The following PRIMA1 variants were observed in gnomAD, a reference collection of about 807,000 sequenced individuals.
The protein encoded by PRIMA1 is proline-rich membrane anchor 1.
PRIMA1 carries 7 observed loss-of-function variants against 17.5 expected under a neutral mutation model. The observed-to-expected ratio is 0.40, with a 90% CI of 0.23 to 0.75. The LOEUF is 0.75. PRIMA1 is among the 30% of genes least tolerant of loss of function. The probability of loss-of-function intolerance (pLI) is 0.37; values close to 1 mark genes in which losing one functional copy is unlikely to be tolerated. For missense variants in PRIMA1, 200 were observed against 201.8 expected (o/e 0.99, Z 0.05); for synonymous variants, 97 against 77.9 (o/e 1.25, Z -1.29).
intron 2 of PRIMA1, among the ~76,000 whole-genome samples, chr14:93,779,824 T>G (rs1313482857): frequency 5.9e-5 from 9 of 152,210 alleles, no homozygotes; most frequent in African/African-American, 2.2e-4. Context: ...CCCCCTCTCT[T>G]GGGTAGAAAC....
chr14:93,738,310 C>T (rs2076164271), intron 3 of PRIMA1, among the ~76,000 whole-genome samples: 1 of 152,148 alleles, frequency 6.6e-6, no homozygotes, highest in Non-Finnish European at 1.5e-5. Flanking sequence ...GCAAAGACAT[C>T]ACACAGCCTC....
At chr14:93,758,899 C>T (rs1012002139) in intron 3 of PRIMA1, among the ~76,000 whole-genome samples, 3 of 152,080 alleles carry the variant, frequency 2.0e-5, no homozygotes, top group Non-Finnish European at 2.9e-5. Flanking sequence ...CAAAGACAAT[C>T]GGCAATGCTA....
chr14:93,751,850 T>C (rs1235164044), intron 3 of PRIMA1, among the ~76,000 whole-genome samples: 2 of 152,226 alleles, frequency 1.3e-5, no homozygotes, highest in African/African-American at 2.4e-5. Flanking sequence ...AGAGCTGTGT[T>C]GTCTAATACA....
At chr14:93,757,904 G>T (rs2076301658) in intron 3 of PRIMA1, among the ~76,000 whole-genome samples, 1 of 152,204 alleles carries the variant, frequency 6.6e-6, no homozygotes, top group African/African-American at 2.4e-5. Flanking sequence ...AGGAACACAT[G>T]ACGGACACTG....
At chr14:93,736,628 A>C (rs542567523) in intron 4 of PRIMA1, among the ~76,000 whole-genome samples, 10 of 152,248 alleles carry the variant, frequency 6.6e-5, no homozygotes, top group Admixed American at 6.5e-4. Context: ...CTCCTGGTCT[A>C]TTGGCTTTCT....
chr14:93,733,067 T>C (rs1242254056), intron 4 of PRIMA1, among the ~76,000 whole-genome samples: 1 of 152,190 alleles, frequency 6.6e-6, no homozygotes, highest in African/African-American at 2.4e-5. Context: ...GCCACCAAAA[T>C]GCATGTTGCA....
At chr14:93,738,221 C>T (rs1002721683) in intron 3 of PRIMA1, among the ~76,000 whole-genome samples, 3 of 152,142 alleles carry the variant, frequency 2.0e-5, no homozygotes, top group Admixed American at 1.3e-4. Context: ...ACCTGTCCTC[C>T]CTCCCTTGGC....
At chr14:93,730,345 G>T (rs142879161) in intron 4 of PRIMA1, among the ~76,000 whole-genome samples, 1 of 152,256 alleles carries the variant, frequency 6.6e-6, no homozygotes, top group Non-Finnish European at 1.5e-5. Flanking sequence ...AGTTGGACAG[G>T]GAAGAGAGAG....
chr14:93,725,818 T>C, intron 4 of PRIMA1: 1 of 389,952 alleles, frequency 2.6e-6, no homozygotes, highest in Non-Finnish European at 5.2e-6. Context: ...GGTTCTCCAG[T>C]CTGCACAGAC....
Position 93,775,445 on chromosome 14 carries a change from C to T in PRIMA1, c.229+3731G>A, listed in dbSNP as rs537733092. Among the ~76,000 whole-genome samples the T allele has an allele frequency of 5.3e-5, 8 of 152,302 alleles. No individual in the cohort carries two copies. The East Asian group carries it at 1.5e-3, about 29-fold the overall frequency. ...TGTGCCCTCTGGGAGACATGAATTC[C>T]TTCAGGGTTATATAGCAGGCACTTG... is the stretch of plus-strand genomic sequence containing the variant. On this transcript the variant is annotated intron_variant, in intron 3 of 4. Transcript: ENST00000393140.
At chr14:93,781,004 C>A (rs1325149584) in intron 2 of PRIMA1, among the ~76,000 whole-genome samples, 2 of 152,224 alleles carry the variant, frequency 1.3e-5, no homozygotes, top group East Asian at 1.9e-4. Context: ...CAGGGAGAGC[C>A]CCCCGGGGCT....
chr14:93,781,790 C>T (rs111349355), intron 2 of PRIMA1, among the ~76,000 whole-genome samples: 9,392 of 149,334 alleles, frequency 0.063, 429 homozygotes, highest in Non-Finnish European at 0.088. Flanking sequence ...GCCTGGCCAA[C>T]GTGATGAAAC....
At chr14:93,725,973 A>T (rs2076072674) in intron 4 of PRIMA1, 3 of 456,420 alleles carry the variant, frequency 6.6e-6, no homozygotes, top group African/African-American at 2.0e-5. Flanking sequence ...CCAGGCAGAG[A>T]TGGCCACAGA....
intron 3 of PRIMA1, among the ~76,000 whole-genome samples, chr14:93,777,920 G>A (rs1174096217): frequency 1.3e-5 from 2 of 152,194 alleles, no homozygotes; most frequent in African/African-American, 4.8e-5. Flanking sequence ...GGGAGACTAC[G>A]TGCCGTGGGG....
chr14:93,783,884 A>C (rs1885450679), intron 2 of PRIMA1, among the ~76,000 whole-genome samples: 1 of 151,908 alleles, frequency 6.6e-6, no homozygotes, highest in African/African-American at 2.4e-5. Context: ...CTGGCCAATC[A>C]GTGTCCTACC....
At position 93,740,074 on chromosome 14, in the gene PRIMA1, T is replaced by A. The variant is rs1318063957; in HGVS notation, c.230-2704A>T. Among the ~76,000 whole-genome samples the A allele has an allele frequency of 8.0e-5, 9 of 112,970 alleles. No homozygotes were observed. The Admixed American group carries it at 8.1e-4, about 10-fold the overall frequency. The allele number at this position is 112,970 out of a possible 152,430, so 74.1% of individuals were successfully genotyped here. On this transcript the variant is annotated intron_variant, in intron 3 of 4. Transcript: ENST00000393140. ...AGCAAGACTCCAGCTAAAAAAAAAATCAATAAATAAAATAAAATAAAAAGA... is the reference window on the plus strand; with the variant it reads ...AGCAAGACTCCAGCTAAAAAAAAAAACAATAAATAAAATAAAATAAAAAGA...
At chr14:93,748,124 G>T (rs1353688906) in intron 3 of PRIMA1, among the ~76,000 whole-genome samples, 1 of 151,894 alleles carries the variant, frequency 6.6e-6, no homozygotes, top group Non-Finnish European at 1.5e-5. Flanking sequence ...GTGAATGAGT[G>T]TGCATGAGTG....
intron 3 of PRIMA1, among the ~76,000 whole-genome samples, chr14:93,770,431 G>T (rs1885025967): frequency 6.6e-6 from 1 of 152,210 alleles, no homozygotes; most frequent in Middle Eastern, 3.2e-3. Flanking sequence ...CCTCGTAGCA[G>T]GCAGCAGCCA....
In PRIMA1 at chr14:93,719,856, T is replaced by C. The variant is rs1053750244; in HGVS notation, c.*1588A>G. 1.3e-5 allele frequency: 2 copies of C among 152,288 alleles called. No individual in the cohort carries two copies. The highest frequency in any genetic ancestry group is 1.9e-4 in the East Asian group (1 of 5,202). The allele number at this position is 152,288 out of a possible 1,614,324, so 9.4% of individuals were successfully genotyped here. A position where few individuals can be genotyped will look rare whatever the true frequency, so the allele number is the denominator to read the frequency against. The stretch of plus-strand genomic sequence containing the variant: ...AAGAAAACCCCTTTATGGGAGGGTA[T>C]GCCCTGGGCCTGTCCTCAGCCCACA... On this transcript the variant is annotated 3_prime_UTR_variant, in exon 5 of 5. Transcript: ENST00000393140.
Sources: gnomAD v4.1 joint callset for allele counts (sites outside exome capture counted in the v4.1 genomes callset) on GRCh38, gnomAD v4.1.1 for gene constraint, MANE v1.5 for transcripts, NCBI Gene and HGNC (gene_info 2026-07-23, HGNC 2026-07-21) for gene names.